ARFGAP3: variants seen among roughly 807,000 people sequenced by gnomAD.
The protein encoded by ARFGAP3 is ADP-ribosylation factor GTPase-activating protein 3.
Under a neutral mutation model 75.0 loss-of-function variants are expected in ARFGAP3, and 72 were observed. The ratio of observed to expected loss-of-function variants is 0.96; its 90% CI spans 0.79 to 1.17. The LOEUF (loss-of-function observed/expected upper bound fraction) is 1.17. Among genes scored for constraint, ARFGAP3 ranks in the 50% most tolerant of loss-of-function variants. The pLI, the probability that ARFGAP3 is intolerant of heterozygous loss-of-function variation, is 0.00. For synonymous variants in ARFGAP3, 221 were observed against 217.9 expected (o/e 1.01, Z -0.13); for missense variants, 620 against 626.6 (o/e 0.99, Z 0.11).
At chr22:42,856,792 T>C (rs1250548273) in intron 1 of ARFGAP3, among the ~76,000 whole-genome samples, 1 of 150,996 alleles carries the variant, frequency 6.6e-6, no homozygotes, top group Non-Finnish European at 1.5e-5. Context: ...CCCCCGAGGA[T>C]GCCCCCGCCC....
At chr22:42,808,718 C>G in intron 13 of ARFGAP3, 49 bp downstream of exon 13, 38 of 1,459,840 alleles carry the variant, frequency 2.6e-5, no homozygotes, top group Non-Finnish European at 3.5e-5. Flanking sequence ...CACACCCACA[C>G]TTCCTTCCTG....
At chr22:42,837,012 C>A (rs1926548243) in intron 3 of ARFGAP3, among the ~76,000 whole-genome samples, 1 of 152,186 alleles carries the variant, frequency 6.6e-6, no homozygotes, top group African/African-American at 2.4e-5. Flanking sequence ...TCCCCCAACC[C>A]CTGATGGCTT....
chr22:42,831,661 T>C, intron 5 of ARFGAP3, 25 bp from the exon 6 acceptor site: 1 of 1,612,962 alleles, frequency 6.2e-7, no homozygotes, highest in Non-Finnish European at 8.5e-7. Flanking sequence ...GAAAAGTCAT[T>C]AGCAGACAAA....
Position 42,847,588 on chromosome 22 carries a change from T to C in ARFGAP3, c.114A>G (p.Ile38Met). 1 of 1,613,638 alleles carries C rather than the reference T, an allele frequency of 6.2e-7. No individual in the cohort carries two copies. The highest frequency in any genetic ancestry group is 8.5e-7 in the Non-Finnish European group (1 of 1,179,770). The change falls in exon 2 of 16, where the codon ATA becomes ATG. Residue 38 changes from isoleucine (I) to methionine (M), a missense_variant. Ile to Met is a conservative substitution (Grantham distance 10). Coordinates refer to ENST00000263245, the MANE Select transcript of ARFGAP3 (RefSeq NM_014570.5). ...CGAKNPSWASITYGVFLCIDC... is the reference protein window; with the variant it reads ...CGAKNPSWASMTYGVFLCIDC... Reference sequence around the variant, plus strand: ...CAATGCAAAGGAACACTCCATAGGTTATGCTTGCCCAGCTGGGATTTTTGG... The same window carrying C: ...CAATGCAAAGGAACACTCCATAGGTCATGCTTGCCCAGCTGGGATTTTTGG...
chr22:42,810,749 T>C (rs1925330972), intron 12 of ARFGAP3, 64 bp downstream of exon 12: 1 of 1,424,892 alleles, frequency 7.0e-7, no homozygotes, highest in Admixed American at 1.8e-5. Context: ...CATCATGTTA[T>C]CAGCAATTTT....
chr22:42,852,398 C>T (rs960547023), intron 1 of ARFGAP3, among the ~76,000 whole-genome samples: 7 of 151,820 alleles, frequency 4.6e-5, no homozygotes, highest in African/African-American at 1.5e-4. Context: ...CTCGCTCTGT[C>T]GCCCACTCTT....
At chr22:42,847,022 G>A (rs1231914810) in intron 2 of ARFGAP3, among the ~76,000 whole-genome samples, 1 of 152,166 alleles carries the variant, frequency 6.6e-6, no homozygotes, top group Non-Finnish European at 1.5e-5. Context: ...AGAACGCTGA[G>A]CGTGCTAGCT....
At chr22:42,803,659 G>A (rs1924978754) in intron 14 of ARFGAP3, among the ~76,000 whole-genome samples, 1 of 152,190 alleles carries the variant, frequency 6.6e-6, no homozygotes, top group South Asian at 2.1e-4. Flanking sequence ...TCCCATGGGT[G>A]TGACCACAGG....
rs148556455 is a variant in ARFGAP3 at position 42,797,664 on chromosome 22, C to T, written c.1534-59G>A. The T allele has an allele frequency of 5.9e-5, 96 of 1,613,798 alleles. 1 individual carries two copies. Among genetic ancestry groups the T allele is most frequent in the South Asian group, 2.4e-4 (22 of 91,034 alleles). On this transcript the variant is annotated intron_variant, in intron 15 of 15. Transcript: ENST00000263245. ...ATTCAGCAGCGATCCCTGACTCCCACGCCCTGAATATTCAGCATCACCCAA... is the reference window on the plus strand; with the variant it reads ...ATTCAGCAGCGATCCCTGACTCCCATGCCCTGAATATTCAGCATCACCCAA...
chr22:42,814,620 C>G (rs1361805908), intron 11 of ARFGAP3, among the ~76,000 whole-genome samples: 1 of 152,228 alleles, frequency 6.6e-6, no homozygotes, highest in Non-Finnish European at 1.5e-5. Flanking sequence ...CAGAAAGGCC[C>G]CACAGGGGCC....
intron 10 of ARFGAP3, 91 bp downstream of exon 10, chr22:42,817,638 C>A: frequency 9.3e-7 from 1 of 1,078,630 alleles, no homozygotes; most frequent in Non-Finnish European, 1.3e-6. Flanking sequence ...AAAAAAATCT[C>A]TAAAGTTGAA....
chr22:42,811,821 G>C (rs1356751378), intron 11 of ARFGAP3, among the ~76,000 whole-genome samples: 1 of 152,156 alleles, frequency 6.6e-6, no homozygotes, highest in African/African-American at 2.4e-5. Context: ...AGAGCAGCAA[G>C]GTCTGCCTGG....
At chr22:42,807,249 A>G in intron 13 of ARFGAP3, 86 bp from the exon 14 acceptor site, 4 of 1,495,482 alleles carry the variant, frequency 2.7e-6, no homozygotes, top group Non-Finnish European at 3.6e-6. Context: ...CTGTCATTTG[A>G]AAGTGTTTGA....
At chr22:42,801,166 C>T (rs948242763) in intron 14 of ARFGAP3, among the ~76,000 whole-genome samples, 17 of 152,104 alleles carry the variant, frequency 1.1e-4, no homozygotes, top group Non-Finnish European at 1.8e-4. Flanking sequence ...CAGGAGGGAA[C>T]GGGCTGAGCG....
At position 42,808,795 on chromosome 22, in the gene ARFGAP3, A is replaced by G. The variant is rs73176813; in HGVS notation, c.1292T>C (p.Met431Thr). The change falls in exon 13 of 16, where the codon ATG becomes ACG. Residue 431 changes from methionine (M) to threonine (T), a missense_variant. Physicochemically the swap from Met to Thr is moderately conservative, Grantham distance 81. Coordinates refer to ENST00000263245, the MANE Select transcript of ARFGAP3 (RefSeq NM_014570.5). Reference protein sequence around the residue: ...FGNVKAISSDMYFGRQSQADY... With the variant: ...FGNVKAISSDTYFGRQSQADY... ...AGCCTGGGATTGTCTTCCAAAATAC[A>G]TATCTGATGAAATGGCCTTGACATT... 1.4e-3 allele frequency: 2,245 copies of G among 1,613,156 alleles called. 34 individuals are homozygous for G. Among genetic ancestry groups the G allele is most frequent in the Non-Finnish European group, 4.1e-4 (478 of 1,179,466 alleles).
At chr22:42,800,367 T>C (rs1443912564) in intron 14 of ARFGAP3, among the ~76,000 whole-genome samples, 2 of 152,078 alleles carry the variant, frequency 1.3e-5, no homozygotes, top group African/African-American at 2.4e-5. Context: ...CCATCTCTAC[T>C]AAAAATACAA....
intron 2 of ARFGAP3, among the ~76,000 whole-genome samples, chr22:42,842,165 C>T (rs186187507): frequency 2.5e-4 from 38 of 151,808 alleles, no homozygotes; most frequent in African/African-American, 7.5e-4. Context: ...TCACTACGCC[C>T]GGCTAATTTT....
At chr22:42,837,671 ACTT>A (rs1188048441) in intron 3 of ARFGAP3, among the ~76,000 whole-genome samples, 1 of 86,928 alleles carries the variant, frequency 1.2e-5, no homozygotes, top group Non-Finnish European at 2.0e-5. Flanking sequence ...TCTAAGGCAT[ACTT>A]CTTTTTTTTT....
intron 2 of ARFGAP3, among the ~76,000 whole-genome samples, chr22:42,846,038 C>CAA (rs60266541): frequency 1.4e-3 from 122 of 87,370 alleles, no homozygotes; most frequent in East Asian, 1.7e-3. Flanking sequence ...AACTCCATCT[C>CAA]AAAAAAAAAA....
Sources: gnomAD v4.1 joint callset for allele counts (sites outside exome capture counted in the v4.1 genomes callset) on GRCh38, gnomAD v4.1.1 for gene constraint, MANE v1.5 for transcripts, NCBI Gene and HGNC (gene_info 2026-07-23, HGNC 2026-07-21) for gene names.